Variants in PEX5 observed in about 807,000 individuals in gnomAD.
PEX5 encodes PTS1 receptor.
PEX5 carries 52 observed loss-of-function variants against 82.9 expected under a neutral mutation model. That is an observed-to-expected ratio of 0.63 (90% CI 0.50 to 0.79). The LOEUF (loss-of-function observed/expected upper bound fraction) is 0.79. Among genes scored for constraint, PEX5 ranks in the 30% least tolerant of loss-of-function variants. PEX5 has a pLI of 0.00. For synonymous variants in PEX5, 300 were observed against 318.8 expected, an observed-to-expected ratio of 0.94 and a Z score of 0.63; for missense variants, 719 against 815.2, an observed-to-expected ratio of 0.88 and a Z score of 1.44.
At chr12:7,218,184 A>G (rs1050399136) in intron 17 of PEX5, among the ~76,000 whole-genome samples, 1 of 152,228 alleles carries the variant, frequency 6.6e-6, no homozygotes, top group Non-Finnish European at 1.5e-5. Flanking sequence ...ATAGTGACCT[A>G]TCACCAGTAG....
intron 10 of PEX5, among the ~76,000 whole-genome samples, chr12:7,204,398 A>G (rs1944508226): frequency 6.6e-6 from 1 of 152,224 alleles, no homozygotes. Flanking sequence ...TAAGGGAGCT[A>G]TGCAAAGATG....
At chr12:7,201,048 T>C (rs796727845) in intron 6 of PEX5, among the ~76,000 whole-genome samples, 12 of 152,166 alleles carry the variant, frequency 7.9e-5, no homozygotes, top group African/African-American at 2.9e-4. Flanking sequence ...GGTGGGAGGA[T>C]TGCTTGGGCC....
rs1945528818 is a variant in PEX5 at position 7,211,212 on chromosome 12, C to T, written c.*989C>T. On this transcript the variant is annotated 3_prime_UTR_variant, in exon 16 of 16. Transcript: ENST00000675855. ...GGGAGAGCATTGGAAAATCCCCTTC[C>T]CCCATCTAGATCGAAGGAAGATGAG... 1 of 152,588 alleles carries T rather than the reference C, an allele frequency of 6.6e-6. No homozygotes were observed. The highest frequency in any genetic ancestry group is 6.5e-5 in the Admixed American group (1 of 15,284). 9.5% of individuals were successfully genotyped at this position (152,588 alleles called of 1,614,324 possible).
At chr12:7,190,768 C>G (rs1940930007) in intron 2 of PEX5, 120 bp from the exon 3 acceptor site, 1 of 1,319,680 alleles carries the variant, frequency 7.6e-7, no homozygotes, top group Non-Finnish European at 1.1e-6. Flanking sequence ...CCCTGTGCAC[C>G]TTTAAATAAA....
chr12:7,202,468 C>G, intron 8 of PEX5, 117 bp downstream of exon 8: 1 of 1,442,866 alleles, frequency 6.9e-7, no homozygotes, highest in Non-Finnish European at 9.7e-7. Context: ...TTGATAGCAT[C>G]CAGGTCCCAA....
At chr12:7,205,064 G>A (rs755991816) in intron 10 of PEX5, among the ~76,000 whole-genome samples, 8 of 152,112 alleles carry the variant, frequency 5.3e-5, no homozygotes, top group African/African-American at 9.7e-5. Flanking sequence ...ACCCAAAACC[G>A]TAAAATGCCT....
At position 7,202,348 on chromosome 12, in the gene PEX5, G is replaced by C. The variant is rs1239267747; in HGVS notation, c.750G>C (p.Gln250His). Reference sequence around the variant, plus strand: ...AGTGGGCAGCAGAGTTTATACAGCAGCAGGTAGGACATTGTCACTTTCCAG... The same window carrying C: ...AGTGGGCAGCAGAGTTTATACAGCACCAGGTAGGACATTGTCACTTTCCAG... ...AEQWAAEFIQ[Q>H]QGTSDAWVDQ... The change falls in exon 8 of 16, where the codon CAG (glutamine) becomes CAC (histidine). Residue 250 changes from glutamine to histidine, a missense_variant. Physicochemically the swap from Gln to His is conservative, Grantham distance 24. Coordinates refer to ENST00000675855, the MANE Select transcript of PEX5 (RefSeq NM_001351132.2). 4 of 1,614,038 alleles carry C rather than the reference G, an allele frequency of 2.5e-6. No homozygotes were observed. The highest frequency in any genetic ancestry group is 3.4e-6 in the Non-Finnish European group (4 of 1,180,022).
chr12:7,210,298 G>A lies in PEX5; in HGVS notation c.*75G>A, dbSNP rs112966367. Reference sequence around the variant, plus strand: ...TGGATGTGATTCCCTCTCCCCAAATGGGCCTACCAAGGGGGCGGGCTGATG... The same window carrying A: ...TGGATGTGATTCCCTCTCCCCAAATAGGCCTACCAAGGGGGCGGGCTGATG... On this transcript the variant is annotated 3_prime_UTR_variant, in exon 16 of 16. Transcript: ENST00000675855. 3.1e-3 allele frequency: 4,494 copies of A among 1,451,382 alleles called. 93 individuals are homozygous for A. In the African/African-American group the frequency reaches 0.051, roughly 17 times the overall value. 89.9% of individuals were successfully genotyped at this position (1,451,382 alleles called of 1,614,324 possible).
Position 7,191,655 on chromosome 12 carries a change from TATA to T in PEX5, c.406_408del (p.Asn136del). On this transcript the variant is annotated inframe_deletion, in exon 5 of 16. Transcript: ENST00000675855. ...AGATGCTGTGGATGTAACTCAGGAT[TATA>T]ATGAGACTGACTGGTCCCAAGAATT... 1.2e-6 allele frequency: 2 copies of T among 1,613,940 alleles called. No individual in the cohort carries two copies. Among genetic ancestry groups the T allele is most frequent in the South Asian group, 1.1e-5 (1 of 91,084 alleles).
At chr12:7,191,472 A>G (rs1021809589) in intron 4 of PEX5, 97 bp from the exon 5 acceptor site, 1 of 1,596,424 alleles carries the variant, frequency 6.3e-7, no homozygotes, top group African/African-American at 1.3e-5. Flanking sequence ...AAGGAGACAA[A>G]AGTAACAGAG....
In PEX5 at chr12:7,208,100, T is replaced by C; in HGVS notation, c.1181+20T>C. On this transcript the variant is annotated intron_variant, in intron 12 of 15. Transcript: ENST00000675855. Reference sequence around the variant, plus strand: ...GCGGAGGTGAGTACACTGAAAGGTGTGGGTGAGGTGCTTCCAAGGCTCTGC... The same window carrying C: ...GCGGAGGTGAGTACACTGAAAGGTGCGGGTGAGGTGCTTCCAAGGCTCTGC... 1 of 1,570,952 alleles carries C rather than the reference T, an allele frequency of 6.4e-7. No individual in the cohort carries two copies. The highest frequency in any genetic ancestry group is 8.8e-7 in the Non-Finnish European group (1 of 1,140,704).
chr12:7,201,259 G>A (rs746385610), intron 6 of PEX5, among the ~76,000 whole-genome samples: 10 of 137,048 alleles, frequency 7.3e-5, no homozygotes, highest in South Asian at 2.9e-4. Flanking sequence ...AGATACATGC[G>A]TACACATGTA....
chr12:7,210,274 G>A lies in PEX5; in HGVS notation c.*51G>A. 4.5e-6 allele frequency: 7 copies of A among 1,559,176 alleles called. No homozygotes were observed. The highest frequency in any genetic ancestry group is 6.2e-6 in the Non-Finnish European group (7 of 1,132,798). ...GTCCACCTGGAGGGATCCCCGCTTT[G>A]GATGTGATTCCCTCTCCCCAAATGG... On this transcript the variant is annotated 3_prime_UTR_variant, in exon 16 of 16. Coordinates refer to ENST00000675855, the MANE Select transcript of PEX5 (RefSeq NM_001351132.2).
At chr12:7,189,460 TCAAA>T (rs1940466143), upstream of PEX5, 3 of 154,386 alleles carry the variant, frequency 1.9e-5, no homozygotes, top group African/African-American at 7.2e-5. Context: ...GAGCTTTCCG[TCAAA>T]CAAATCCTAG....
At chr12:7,218,164 G>T (rs768868102) in intron 17 of PEX5, among the ~76,000 whole-genome samples, 6 of 152,106 alleles carry the variant, frequency 3.9e-5, no homozygotes, top group Non-Finnish European at 8.8e-5. Flanking sequence ...ATTTATTGAC[G>T]ATTATTATGA....
In PEX5 at chr12:7,208,982, G is replaced by T. The variant is rs1945173226; in HGVS notation, c.1395-23G>T. ...ATAGAGACATTCATCTACCTACTTT[G>T]TGTTTTTTTCCTTTTCATCCAGCTC... On this transcript the variant is annotated intron_variant, in intron 13 of 15. Coordinates refer to ENST00000675855, the MANE Select transcript of PEX5 (RefSeq NM_001351132.2). 10 of 1,610,974 alleles carry T rather than the reference G, an allele frequency of 6.2e-6. No individual in the cohort carries two copies. The East Asian group carries it at 2.2e-4, about 36-fold the overall frequency.
rs1403712150 is a variant in PEX5 at position 7,197,146 on chromosome 12, AATT to A, written c.449-1862_449-1860del. Among the ~76,000 whole-genome samples, 2 of 96,100 alleles carry A rather than the reference AATT, an allele frequency of 2.1e-5. 1 individual carries two copies. Among genetic ancestry groups the A allele is most frequent in the African/African-American group, 8.2e-5 (2 of 24,384 alleles). The allele number at this position is 96,100 out of a possible 152,430, so 63.0% of individuals were successfully genotyped here. On this transcript the variant is annotated intron_variant, in intron 5 of 15. Transcript: ENST00000675855. ...TAATATATGTCATATATAATGTAAT[AATT>A]ATATATGTCATATATAATGTAATTA...
chr12:7,197,970 G>A (rs970136398), intron 5 of PEX5, among the ~76,000 whole-genome samples: 1 of 151,546 alleles, frequency 6.6e-6, no homozygotes, highest in Non-Finnish European at 1.5e-5. Context: ...ACACAGGGCA[G>A]AAGGAAAGAA....
At chr12:7,208,146 G>C (rs185938970) in intron 12 of PEX5, 66 bp downstream of exon 12, 1 of 1,192,344 alleles carries the variant, frequency 8.4e-7, no homozygotes. Flanking sequence ...TTGAATGACA[G>C]AAGCCCAGAC....
Sources: gnomAD v4.1 joint callset for allele counts (sites outside exome capture counted in the v4.1 genomes callset) on GRCh38, gnomAD v4.1.1 for gene constraint, MANE v1.5 for transcripts, NCBI Gene and HGNC (gene_info 2026-07-23, HGNC 2026-07-21) for gene names.